FAAH2: variants seen among roughly 807,000 people sequenced by gnomAD.
FAAH2 encodes the protein fatty-acid amide hydrolase 2.
In FAAH2, 60 loss-of-function variants were observed where a neutral mutation model predicts 36.9. The ratio of observed to expected loss-of-function variants is 1.63; its 90% CI spans 1.32 to 2.02. FAAH2 has a LOEUF of 2.02. FAAH2 is among the 30% of genes most tolerant of loss of function. FAAH2 has a pLI of 0.00. For synonymous variants in FAAH2, 214 were observed against 143.8 expected, an observed-to-expected ratio of 1.49 and a Z score of -3.49; for missense variants, 689 against 397.5, an observed-to-expected ratio of 1.73 and a Z score of -6.23.
At chrX:57,270,574 A>G in the FAAH2 span, among the ~76,000 whole-genome samples, 3 of 111,838 alleles carry the variant, frequency 2.7e-5, no homozygotes, top group Non-Finnish European at 5.6e-5. Context: ...ACCTGTGTGC[A>G]GTTCCCAGCG....
chrX:57,144,739 T>C, the FAAH2 span, among the ~76,000 whole-genome samples: 1 of 110,930 alleles, frequency 9.0e-6, no homozygotes, highest in African/African-American at 3.3e-5. Flanking sequence ...TCCTCAGAGC[T>C]TAGCTCCCAC....
chrX:57,260,895 C>A, the FAAH2 span, among the ~76,000 whole-genome samples: 30 of 111,535 alleles, frequency 2.7e-4, no homozygotes, highest in Non-Finnish European at 7.5e-5. Context: ...ATGACAACCA[C>A]AAGTGTTGGT....
chrX:57,416,074 G>A, intron 7 of FAAH2, among the ~76,000 whole-genome samples: 1 of 110,839 alleles, frequency 9.0e-6, no homozygotes, highest in East Asian at 2.8e-4. Flanking sequence ...CTTTCCATTT[G>A]CTAGGTAAAT....
chrX:57,406,907 A>G (rs1376636339), intron 7 of FAAH2, among the ~76,000 whole-genome samples: 2 of 112,810 alleles, frequency 1.8e-5, no homozygotes, highest in African/African-American at 6.4e-5. Context: ...CCCCAGTGGG[A>G]AAAGCCTTGG....
chrX:57,325,343 G>C (rs958449117), intron 3 of FAAH2, among the ~76,000 whole-genome samples: 1 of 111,452 alleles, frequency 9.0e-6, no homozygotes, highest in East Asian at 2.8e-4. Flanking sequence ...TCAGGATGAT[G>C]CTGGCCTCAT....
At chrX:57,249,991 C>T in the FAAH2 span, among the ~76,000 whole-genome samples, 8 of 111,553 alleles carry the variant, frequency 7.2e-5, no homozygotes, top group Middle Eastern at 4.2e-3. Flanking sequence ...GTTTAGTGTC[C>T]TAAACTAATG....
chrX:57,328,824 G>A (rs1357258166), intron 3 of FAAH2, among the ~76,000 whole-genome samples: 2 of 111,477 alleles, frequency 1.8e-5, no homozygotes, highest in African/African-American at 6.5e-5. Flanking sequence ...ATTTAAAGTG[G>A]CCAAGACTCA....
At chrX:57,305,062 TTG>T (rs60804398) in intron 2 of FAAH2, among the ~76,000 whole-genome samples, 33,091 of 103,600 alleles carry the variant, frequency 0.32, 4,263 homozygotes, top group Middle Eastern at 0.61. Context: ...TTCTGTAATT[TTG>T]TGTGTGTGTG....
chrX:57,437,259 C>T lies in FAAH2; in HGVS notation c.1116+5222C>T, dbSNP rs776775701. The stretch of plus-strand genomic sequence containing the variant: ...TAATAAAGGCCACATACAACAAACC[C>T]AAATCTAATATCACACTGAATGGAG... On this transcript the variant is annotated intron_variant, in intron 8 of 10. Transcript: ENST00000374900. 3.0e-3 allele frequency among the ~76,000 whole-genome samples: 329 copies of T among 110,575 alleles called. 1 individual carries two copies. Among genetic ancestry groups the T allele is most frequent in the Non-Finnish European group, 5.0e-3 (264 of 52,640 alleles).
chrX:57,250,920 T>C, the FAAH2 span, among the ~76,000 whole-genome samples: 21 of 111,826 alleles, frequency 1.9e-4, no homozygotes, highest in Non-Finnish European at 3.8e-4. Context: ...TGGTGAATTA[T>C]ACCAAACATC....
At chrX:57,290,154 C>A in intron 1 of FAAH2, 1 of 368,840 alleles carries the variant, frequency 2.7e-6, no homozygotes, top group Non-Finnish European at 3.5e-6. Flanking sequence ...AAGTATTTAG[C>A]AAATGGCAAT....
the FAAH2 span, among the ~76,000 whole-genome samples, chrX:57,125,608 C>T: frequency 8.9e-6 from 1 of 111,896 alleles, no homozygotes; most frequent in Non-Finnish European, 1.9e-5. Context: ...CTGTTCTCCT[C>T]CTATCTCAGC....
intron 4 of FAAH2, among the ~76,000 whole-genome samples, chrX:57,335,319 C>A (rs896566632): frequency 9.0e-5 from 10 of 110,967 alleles, no homozygotes; most frequent in Non-Finnish European, 1.9e-4. Flanking sequence ...AAGGAGGACC[C>A]GTATTATTAT....
chrX:57,278,520 G>T, the FAAH2 span, among the ~76,000 whole-genome samples: 1 of 111,280 alleles, frequency 9.0e-6, no homozygotes, highest in Non-Finnish European at 1.9e-5. Flanking sequence ...AGAGACATGG[G>T]CAAGGACTTC....
At chrX:57,244,340 G>GA in the FAAH2 span, among the ~76,000 whole-genome samples, 1 of 111,164 alleles carries the variant, frequency 9.0e-6, no homozygotes, top group Admixed American at 9.6e-5. Context: ...TTATCCAGGA[G>GA]AACTTCCCCA....
the FAAH2 span, among the ~76,000 whole-genome samples, chrX:57,243,365 C>A: frequency 4.5e-5 from 5 of 112,356 alleles, no homozygotes; most frequent in Admixed American, 2.8e-4. Flanking sequence ...CTGAAGAGAG[C>A]AGCACATCTC....
chrX:57,139,143 A>G, the FAAH2 span, among the ~76,000 whole-genome samples: 1 of 112,058 alleles, frequency 8.9e-6, no homozygotes, highest in Non-Finnish European at 1.9e-5. Context: ...CAATGTCCTG[A>G]AGCTTTTTCC....
intron 10 of FAAH2, among the ~76,000 whole-genome samples, chrX:57,453,723 C>T (rs1363592051): frequency 8.9e-6 from 1 of 112,085 alleles, no homozygotes; most frequent in African/African-American, 3.2e-5. Flanking sequence ...GCCACAACTT[C>T]TTGAACCCCC....
At chrX:57,314,288 T>C (rs1296142144) in intron 3 of FAAH2, among the ~76,000 whole-genome samples, 1 of 111,134 alleles carries the variant, frequency 9.0e-6, no homozygotes, top group Non-Finnish European at 1.9e-5. Context: ...ACAATAATAG[T>C]AGGAGATTTC....
Sources: allele counts gnomAD v4.1 joint callset (sites outside exome capture counted in the v4.1 genomes callset), GRCh38; gene constraint gnomAD v4.1.1; transcripts MANE v1.5; gene names NCBI Gene and HGNC (gene_info 2026-07-23, HGNC 2026-07-21).